LRFN5: variants seen among roughly 807,000 people sequenced by gnomAD.
LRFN5 encodes leucine-rich repeat and fibronectin type-III domain-containing protein 5.
Under a neutral mutation model 45.6 loss-of-function variants are expected in LRFN5, and 24 were observed. The observed-to-expected ratio is 0.53, with a 90% CI of 0.38 to 0.74. The LOEUF (loss-of-function observed/expected upper bound fraction) is 0.74. Ranked by LOEUF, LRFN5 falls within the 30% of genes least tolerant of loss-of-function variation. LRFN5 has a pLI of 0.00. For synonymous variants in LRFN5, 340 were observed against 313.8 expected (o/e 1.08, Z -0.88); for missense variants, 776 against 861.5 (o/e 0.90, Z 1.24).
chr14:41,726,159 G>A (rs1027408881), intron 1 of LRFN5, among the ~76,000 whole-genome samples: 4 of 152,006 alleles, frequency 2.6e-5, no homozygotes, highest in Non-Finnish European at 5.9e-5. Context: ...GTTCCTATTT[G>A]GAGCTCAAAA....
intron 1 of LRFN5, among the ~76,000 whole-genome samples, chr14:41,765,696 A>G (rs1885858425): frequency 6.6e-6 from 1 of 152,208 alleles, no homozygotes; most frequent in Non-Finnish European, 1.5e-5. Context: ...GTTATTCTAA[A>G]ATGCTATAGT....
intron 2 of LRFN5, among the ~76,000 whole-genome samples, chr14:41,818,642 C>G (rs1241781): frequency 1.3e-5 from 2 of 151,810 alleles, no homozygotes; most frequent in Admixed American, 6.6e-5. Context: ...GTTGTGGCTA[C>G]TTCTCTTGTT....
chr14:41,901,769 A>G (rs1386103511), intron 5 of LRFN5, among the ~76,000 whole-genome samples: 4 of 152,086 alleles, frequency 2.6e-5, no homozygotes, highest in East Asian at 1.9e-4. Context: ...TATACACATG[A>G]TGCAAATATG....
chr14:41,859,266 T>C (rs954078546), intron 2 of LRFN5, among the ~76,000 whole-genome samples: 1 of 152,184 alleles, frequency 6.6e-6, no homozygotes, highest in African/African-American at 2.4e-5. Context: ...CAGACTATAT[T>C]TATGACTAAT....
At chr14:41,816,308 A>T (rs1038186770) in intron 2 of LRFN5, among the ~76,000 whole-genome samples, 1 of 152,138 alleles carries the variant, frequency 6.6e-6, no homozygotes, top group Admixed American at 6.6e-5. Flanking sequence ...TATTATTTTT[A>T]AAAGTTATCT....
intron 1 of LRFN5, among the ~76,000 whole-genome samples, chr14:41,646,546 G>C (rs190400096): frequency 4.9e-4 from 75 of 152,256 alleles, no homozygotes; most frequent in African/African-American, 1.7e-3. Context: ...TATCCTTGTA[G>C]TTAACTCCCA....
intron 2 of LRFN5, among the ~76,000 whole-genome samples, chr14:41,877,622 ATG>A (rs72419844): frequency 0.018 from 2,621 of 149,618 alleles, 69 homozygotes; most frequent in African/African-American, 0.063. Flanking sequence ...GTAAAAATAC[ATG>A]TGTGTGTGTA....
chr14:41,897,753 A>C (rs900657835), intron 4 of LRFN5, among the ~76,000 whole-genome samples: 1 of 152,108 alleles, frequency 6.6e-6, no homozygotes, highest in Non-Finnish European at 1.5e-5. Context: ...ATCCATTTCA[A>C]ACTTGGTGAC....
intron 1 of LRFN5, among the ~76,000 whole-genome samples, chr14:41,660,596 T>C (rs1352737238): frequency 6.6e-6 from 1 of 152,070 alleles, no homozygotes; most frequent in Non-Finnish European, 1.5e-5. Context: ...AAACAGTTTG[T>C]CTGTTATTCG....
rs1170687530 is a variant in LRFN5 at position 41,904,331 on chromosome 14, G to C, written c.*156G>C. ...GCCAAGGTGAAAGTCTCTGATGACG[G>C]CGGAACTGGCTCCATTAGACCATGG... On this transcript the variant is annotated 3_prime_UTR_variant, in exon 6 of 6. Coordinates refer to ENST00000298119, the MANE Select transcript of LRFN5 (RefSeq NM_152447.5). The C allele has an allele frequency of 3.3e-5, 29 of 880,364 alleles. No homozygotes were observed. The highest frequency in any genetic ancestry group is 5.2e-5 in the Non-Finnish European group (29 of 558,080). The allele number at this position is 880,364 out of a possible 1,614,324, so 54.5% of individuals were successfully genotyped here. A position where few individuals can be genotyped will look rare whatever the true frequency, so the allele number is the denominator to read the frequency against.
intron 1 of LRFN5, among the ~76,000 whole-genome samples, chr14:41,642,352 T>A (rs1011105704): frequency 2.6e-5 from 4 of 152,200 alleles, no homozygotes; most frequent in Non-Finnish European, 5.9e-5. Flanking sequence ...ATTTAGTATA[T>A]CATTCCTTTG....
intron 1 of LRFN5, among the ~76,000 whole-genome samples, chr14:41,650,266 C>CAAAAAAAA (rs10654457): frequency 1.5e-5 from 2 of 135,526 alleles, no homozygotes; most frequent in African/African-American, 2.8e-5. Flanking sequence ...CACACACACA[C>CAAAAAAAA]AAAAAAAAAA....
chr14:41,694,648 T>G (rs531307297), intron 1 of LRFN5, among the ~76,000 whole-genome samples: 3 of 152,116 alleles, frequency 2.0e-5, no homozygotes, highest in Non-Finnish European at 4.4e-5. Context: ...CAACTCTGTG[T>G]CAGGCAAGTC....
chr14:41,889,151 A>AATCAG (rs1311080852), intron 3 of LRFN5, among the ~76,000 whole-genome samples: 1 of 150,876 alleles, frequency 6.6e-6, no homozygotes, highest in Non-Finnish European at 1.5e-5. Context: ...GATATTCAGA[A>AATCAG]ATCAGATCAG....
intron 1 of LRFN5, among the ~76,000 whole-genome samples, chr14:41,677,355 G>A (rs1881679602): frequency 6.6e-6 from 1 of 151,974 alleles, no homozygotes; most frequent in Admixed American, 6.6e-5. Flanking sequence ...AAAGGAACAG[G>A]AAGAATCTAA....
chr14:41,748,504 C>A (rs1009102254), intron 1 of LRFN5, among the ~76,000 whole-genome samples: 3 of 151,962 alleles, frequency 2.0e-5, no homozygotes, highest in Non-Finnish European at 2.9e-5. Context: ...TTGCAAGGGG[C>A]TTCAGGTAGG....
intron 1 of LRFN5, among the ~76,000 whole-genome samples, chr14:41,623,500 G>T (rs1888211681): frequency 6.6e-6 from 1 of 152,110 alleles, no homozygotes; most frequent in Non-Finnish European, 1.5e-5. Context: ...GAGTTCCCAA[G>T]TGGCATGTCA....
chr14:41,831,950 C>T (rs1218446085), intron 2 of LRFN5, among the ~76,000 whole-genome samples: 1 of 152,082 alleles, frequency 6.6e-6, no homozygotes, highest in African/African-American at 2.4e-5. Context: ...TCTCCTTGTC[C>T]TCACCTAGCA....
chr14:41,639,083 C>A (rs1879441108), intron 1 of LRFN5, among the ~76,000 whole-genome samples: 1 of 151,916 alleles, frequency 6.6e-6, no homozygotes, highest in African/African-American at 2.4e-5. Context: ...GAGCTAGAGT[C>A]TTATGACTCC....
Sources: gnomAD v4.1 joint callset for allele counts (sites outside exome capture counted in the v4.1 genomes callset) on GRCh38, gnomAD v4.1.1 for gene constraint, MANE v1.5 for transcripts, NCBI Gene and HGNC (gene_info 2026-07-23, HGNC 2026-07-21) for gene names.